The following UNC5D variants were observed in gnomAD, a reference collection of about 807,000 sequenced individuals.
UNC5D encodes netrin receptor UNC5D.
A neutral mutation model predicts 105.4 loss-of-function variants in UNC5D; 39 were observed. The ratio of observed to expected loss-of-function variants is 0.37; its 90% confidence interval spans 0.29 to 0.48. The LOEUF is 0.48. UNC5D is among the 20% of genes least tolerant of loss of function. UNC5D has a pLI of 0.98. For synonymous variants in UNC5D, 452 were observed against 450.4 expected (o/e 1.00, Z -0.04); for missense variants, 991 against 1,202.4 (o/e 0.82, Z 2.60).
intron 3 of UNC5D, among the ~76,000 whole-genome samples, chr8:35,587,121 G>A (rs1818840429): frequency 6.6e-6 from 1 of 152,108 alleles, no homozygotes; most frequent in Non-Finnish European, 1.5e-5. Flanking sequence ...ACCCGGCTTT[G>A]TCACCTCTCC....
chr8:35,405,690 A>G (rs1335465271), intron 1 of UNC5D, among the ~76,000 whole-genome samples: 2 of 151,758 alleles, frequency 1.3e-5, no homozygotes, highest in Non-Finnish European at 2.9e-5. Context: ...TCTATTCACA[A>G]CTTTTTTTTA....
At chr8:35,364,085 G>A (rs761869129) in intron 1 of UNC5D, among the ~76,000 whole-genome samples, 10 of 152,094 alleles carry the variant, frequency 6.6e-5, no homozygotes, top group Non-Finnish European at 1.5e-4. Context: ...AGAACTGCTT[G>A]AACCCAGGAG....
intron 1 of UNC5D, among the ~76,000 whole-genome samples, chr8:35,400,600 G>A (rs984824383): frequency 6.6e-5 from 10 of 151,956 alleles, no homozygotes; most frequent in Non-Finnish European, 1.3e-4. Flanking sequence ...TGTTTTCCTC[G>A]GTCATTAGGG....
chr8:35,441,283 G>A (rs1029115408), intron 1 of UNC5D, among the ~76,000 whole-genome samples: 2 of 151,904 alleles, frequency 1.3e-5, no homozygotes, highest in Non-Finnish European at 2.9e-5. Context: ...GGTGAGTACA[G>A]CACAGTAAGA....
intron 8 of UNC5D, among the ~76,000 whole-genome samples, chr8:35,717,707 C>G (rs1211314199): frequency 1.3e-5 from 2 of 152,138 alleles, no homozygotes; most frequent in Non-Finnish European, 2.9e-5. Flanking sequence ...AATATCTAAC[C>G]AGAGTCCCAA....
intron 1 of UNC5D, among the ~76,000 whole-genome samples, chr8:35,547,391 C>T (rs1195779025): frequency 2.0e-5 from 3 of 151,238 alleles, no homozygotes; most frequent in East Asian, 3.9e-4. Flanking sequence ...CTCTGCCTTC[C>T]AGGTTCAAGC....
chr8:35,465,409 C>T (rs553535196), intron 1 of UNC5D, among the ~76,000 whole-genome samples: 4 of 150,530 alleles, frequency 2.7e-5, no homozygotes, highest in African/African-American at 9.9e-5. Context: ...ATTGTATGCT[C>T]AAAAGCCACA....
At chr8:35,509,498 T>TCTC in intron 1 of UNC5D, among the ~76,000 whole-genome samples, 1 of 6,692 alleles carries the variant, frequency 1.5e-4, no homozygotes, top group East Asian at 4.5e-3. Context: ...AAGAATCTCC[T>TCTC]CTCCTCTCTT....
chr8:35,706,066 C>T, intron 8 of UNC5D, 105 bp downstream of exon 8: 1 of 764,906 alleles, frequency 1.3e-6, no homozygotes, highest in Non-Finnish European at 2.0e-6. Flanking sequence ...ATGAAAGATC[C>T]AGGGCTTTCG....
chr8:35,670,130 T>G (rs1422545347), intron 4 of UNC5D, among the ~76,000 whole-genome samples: 1 of 152,056 alleles, frequency 6.6e-6, no homozygotes, highest in Non-Finnish European at 1.5e-5. Context: ...TATGGTATTA[T>G]AAAAACAGGT....
Position 35,795,556 on chromosome 8 carries a change from A to T in UNC5D, c.*4993A>T, listed in dbSNP as rs1803222937. 6.6e-6 allele frequency: 1 copy of T among 152,174 alleles called. No individual in the cohort carries two copies. Among genetic ancestry groups the T allele is most frequent in the Admixed American group, 6.5e-5 (1 of 15,272 alleles). The allele number at this position is 152,174 out of a possible 1,614,324, so 9.4% of individuals were successfully genotyped here. On this transcript the variant is annotated 3_prime_UTR_variant, in exon 17 of 17. Coordinates refer to ENST00000404895, the MANE Select transcript of UNC5D (RefSeq NM_080872.4). The stretch of plus-strand genomic sequence containing the variant: ...CTGAAACACAGACATTACAATCAGA[A>T]ATAGACCTAATAATTCCAATATCCC...
chr8:35,381,576 C>T (rs1803044785), intron 1 of UNC5D, among the ~76,000 whole-genome samples: 1 of 152,170 alleles, frequency 6.6e-6, no homozygotes, highest in Admixed American at 6.5e-5. Context: ...TAGAGTGAGT[C>T]ATTTAATTCA....
At chr8:35,665,122 A>G (rs1824345230) in intron 4 of UNC5D, among the ~76,000 whole-genome samples, 1 of 152,208 alleles carries the variant, frequency 6.6e-6, no homozygotes, top group South Asian at 2.1e-4. Context: ...GATGTGAGCC[A>G]CTGTGCCCAG....
At chr8:35,671,744 A>C (rs951278629) in intron 4 of UNC5D, among the ~76,000 whole-genome samples, 1 of 152,106 alleles carries the variant, frequency 6.6e-6, no homozygotes, top group African/African-American at 2.4e-5. Context: ...GCTGAGGGGA[A>C]ACTTGGATAG....
rs1416051754 is a variant in UNC5D, at chr8:35,347,341, CTT to C, written c.103+111456_103+111457del. ...AGGCTTTATAGCCCAACCAAACTTT[CTT>C]TGTCATATTTTGAGGATTTTGCTTA... is the stretch of plus-strand genomic sequence containing the variant. On this transcript the variant is annotated intron_variant, in intron 1 of 16. Transcript: ENST00000404895. Among the ~76,000 whole-genome samples the C allele has an allele frequency of 4.6e-5, 7 of 151,772 alleles. No individual in the cohort carries two copies. The South Asian group carries it at 1.5e-3, about 31-fold the overall frequency.
At chr8:35,714,433 G>A (rs1828134749) in intron 8 of UNC5D, among the ~76,000 whole-genome samples, 1 of 152,166 alleles carries the variant, frequency 6.6e-6, no homozygotes, top group Non-Finnish European at 1.5e-5. Context: ...GTTAATCTAA[G>A]ACTGTTCAGG....
Position 35,669,503 on chromosome 8 carries a change from A to G in UNC5D, c.571-14044A>G, listed in dbSNP as rs571909018. Among the ~76,000 whole-genome samples, 22 of 152,094 alleles carry G rather than the reference A, an allele frequency of 1.4e-4. No homozygotes were observed. The South Asian group carries it at 1.9e-3, about 13-fold the overall frequency. On this transcript the variant is annotated intron_variant, in intron 4 of 16. Coordinates refer to ENST00000404895, the MANE Select transcript of UNC5D (RefSeq NM_080872.4). Reference sequence around the variant, plus strand: ...AATAGCAAGTCGGTTGCAAATTTCTATCCATCCTATTTTACCCCCTAATTC... The same window carrying G: ...AATAGCAAGTCGGTTGCAAATTTCTGTCCATCCTATTTTACCCCCTAATTC...
At chr8:35,595,883 C>T (rs1285954363) in intron 4 of UNC5D, among the ~76,000 whole-genome samples, 3 of 152,194 alleles carry the variant, frequency 2.0e-5, no homozygotes, top group African/African-American at 4.8e-5. Context: ...TGGTAGGCAG[C>T]CTGGGTAGGA....
intron 4 of UNC5D, among the ~76,000 whole-genome samples, chr8:35,642,828 G>T (rs1389626010): frequency 6.6e-6 from 1 of 152,124 alleles, no homozygotes; most frequent in Admixed American, 6.6e-5. Context: ...TAAGCACACA[G>T]TAAGATGCAA....
Sources: allele counts gnomAD v4.1 joint callset (sites outside exome capture counted in the v4.1 genomes callset), GRCh38; gene constraint gnomAD v4.1.1; transcripts MANE v1.5; gene names NCBI Gene and HGNC (gene_info 2026-07-23, HGNC 2026-07-21).